Variants in PICALM observed in about 807,000 individuals in gnomAD.
PICALM encodes the protein phosphatidylinositol binding clathrin assembly protein.
In PICALM, 40 loss-of-function variants were observed where a neutral mutation model predicts 80.5. The ratio of observed to expected loss-of-function variants is 0.50; its 90% confidence interval spans 0.39 to 0.65. PICALM has a LOEUF of 0.65. Among genes scored for constraint, PICALM ranks in the 30% least tolerant of loss-of-function variants. PICALM has a pLI of 0.00. For synonymous variants in PICALM, 288 were observed against 260.3 expected, an observed-to-expected ratio of 1.11 and a Z score of -1.02; for missense variants, 676 against 778.9, an observed-to-expected ratio of 0.87 and a Z score of 1.57.
chr11:86,005,910 T>C (rs897793270), intron 8 of PICALM, among the ~76,000 whole-genome samples: 1 of 152,214 alleles, frequency 6.6e-6, no homozygotes, highest in Non-Finnish European at 1.5e-5. Flanking sequence ...CCTGGCAAGT[T>C]ACCTTTGCTC....
intron 19 of PICALM, among the ~76,000 whole-genome samples, chr11:85,964,141 T>G (rs1305290467): frequency 6.6e-6 from 1 of 152,000 alleles, no homozygotes; most frequent in Non-Finnish European, 1.5e-5. Flanking sequence ...ACATCAACAA[T>G]CTCAGAAAGT....
chr11:86,054,559 C>T (rs934829299), intron 1 of PICALM, among the ~76,000 whole-genome samples: 6 of 152,148 alleles, frequency 3.9e-5, no homozygotes, highest in African/African-American at 1.2e-4. Context: ...CATGTCACTG[C>T]TTATCATCTG....
chr11:86,057,800 A>G (rs1406520003), intron 1 of PICALM, among the ~76,000 whole-genome samples: 3 of 152,188 alleles, frequency 2.0e-5, no homozygotes, highest in Non-Finnish European at 4.4e-5. Context: ...TAACCTAGAG[A>G]TGATTTAAAG....
At chr11:85,959,809 G>GC (rs1023047300) in intron 19 of PICALM, among the ~76,000 whole-genome samples, 2 of 151,860 alleles carry the variant, frequency 1.3e-5, no homozygotes, top group African/African-American at 4.8e-5. Flanking sequence ...TGAACTACTA[G>GC]CCCCAAGTGA....
intron 19 of PICALM, among the ~76,000 whole-genome samples, chr11:85,970,643 CTG>C (rs2094073861): frequency 6.6e-6 from 1 of 152,152 alleles, no homozygotes; most frequent in Admixed American, 6.5e-5. Context: ...TGGTGAAACC[CTG>C]TCTCTACTAA....
At chr11:85,967,985 C>T (rs1478784561) in intron 19 of PICALM, among the ~76,000 whole-genome samples, 1 of 152,102 alleles carries the variant, frequency 6.6e-6, no homozygotes, top group African/African-American at 2.4e-5. Context: ...CCATATCCTC[C>T]ATAAACAAAA....
intron 1 of PICALM, among the ~76,000 whole-genome samples, chr11:86,047,199 TATC>T (rs1280010407): frequency 1.3e-5 from 2 of 152,194 alleles, no homozygotes; most frequent in Non-Finnish European, 2.9e-5. Flanking sequence ...GAGTGAGACT[TATC>T]ATTTTCTCTA....
chr11:86,018,126 C>A (rs1179234349), intron 4 of PICALM, among the ~76,000 whole-genome samples: 1 of 152,088 alleles, frequency 6.6e-6, no homozygotes, highest in Non-Finnish European at 1.5e-5. Flanking sequence ...GAATTCAAAC[C>A]TAGATTCATC....
intron 4 of PICALM, among the ~76,000 whole-genome samples, chr11:86,016,106 T>C (rs998130702): frequency 3.3e-5 from 5 of 152,238 alleles, no homozygotes; most frequent in African/African-American, 1.2e-4. Flanking sequence ...ACACCATTCC[T>C]TCTTTTGCAA....
chr11:86,008,025 T>C (rs757480979), intron 7 of PICALM, among the ~76,000 whole-genome samples: 16 of 152,264 alleles, frequency 1.1e-4, no homozygotes, highest in Non-Finnish European at 1.8e-4. Context: ...AAACATGCTT[T>C]CCCTGGAAAT....
At chr11:86,051,052 A>T (rs1451779888) in intron 1 of PICALM, among the ~76,000 whole-genome samples, 1 of 152,192 alleles carries the variant, frequency 6.6e-6, no homozygotes, top group Non-Finnish European at 1.5e-5. Flanking sequence ...AATGCCACCT[A>T]TTCCTACCAA....
chr11:86,015,665 G>A (rs1341990645), intron 4 of PICALM, among the ~76,000 whole-genome samples: 1 of 152,136 alleles, frequency 6.6e-6, no homozygotes, highest in Non-Finnish European at 1.5e-5. Flanking sequence ...GAAAGGTACT[G>A]GGGCTAACGT....
At chr11:86,040,018 A>G (rs3016325) in intron 1 of PICALM, among the ~76,000 whole-genome samples, 63,469 of 142,700 alleles carry the variant, frequency 0.44, 14,640 homozygotes, top group East Asian at 0.59. Flanking sequence ...AAAAAAAAAA[A>G]AAAAAAAAAG....
chr11:85,996,472 T>TA (rs879712595), intron 12 of PICALM, among the ~76,000 whole-genome samples: 132 of 146,084 alleles, frequency 9.0e-4, no homozygotes, highest in Admixed American at 1.4e-3. Flanking sequence ...CCCCAAAAGT[T>TA]AAAAAAAAAA....
chr11:85,983,540 G>C (rs1397846814), intron 14 of PICALM, among the ~76,000 whole-genome samples: 1 of 152,110 alleles, frequency 6.6e-6, no homozygotes, highest in Admixed American at 6.5e-5. Context: ...ATTCATTTCA[G>C]TAAAAGTAAA....
intron 13 of PICALM, among the ~76,000 whole-genome samples, chr11:85,989,069 A>T (rs1171544385): frequency 6.6e-6 from 1 of 152,206 alleles, no homozygotes; most frequent in African/African-American, 2.4e-5. Context: ...GCTACCTATT[A>T]CACTGATCAT....
chr11:86,042,154 C>T (rs941292598), intron 1 of PICALM, among the ~76,000 whole-genome samples: 1 of 152,138 alleles, frequency 6.6e-6, no homozygotes, highest in African/African-American at 2.4e-5. Flanking sequence ...AAACCACATT[C>T]TTAAATCTGA....
chr11:86,022,489 A>G lies in PICALM; in HGVS notation c.350-20T>C. On this transcript the variant is annotated intron_variant, in intron 3 of 19. Coordinates refer to ENST00000393346, the MANE Select transcript of PICALM (RefSeq NM_007166.4). ...CATATCCTGTAAAAAAACAAAAACA[A>G]AAACAAAACAAAGAGAGAGACAAGT... 1 of 1,288,706 alleles carries G rather than the reference A, an allele frequency of 7.8e-7. No individual in the cohort carries two copies. The highest frequency in any genetic ancestry group is 1.1e-6 in the Non-Finnish European group (1 of 943,800). 79.8% of individuals were successfully genotyped at this position (1,288,706 alleles called of 1,614,324 possible).
At chr11:86,015,494 A>G (rs899687321) in intron 4 of PICALM, among the ~76,000 whole-genome samples, 1 of 152,248 alleles carries the variant, frequency 6.6e-6, no homozygotes, top group African/African-American at 2.4e-5. Flanking sequence ...ATTACAAAAT[A>G]AAGAACAATT....
Sources: gnomAD v4.1 joint callset for allele counts (sites outside exome capture counted in the v4.1 genomes callset) on GRCh38, gnomAD v4.1.1 for gene constraint, MANE v1.5 for transcripts, NCBI Gene and HGNC (gene_info 2026-07-23, HGNC 2026-07-21) for gene names.